The following SOX6 variants were observed in gnomAD, a reference collection of about 807,000 sequenced individuals.
SOX6 encodes transcription factor SOX-6.
SOX6 carries 11 observed loss-of-function variants against 97.8 expected under a neutral mutation model. That is an observed-to-expected ratio of 0.11 (90% CI 0.07 to 0.19). The LOEUF (loss-of-function observed/expected upper bound fraction) is 0.19. SOX6 is among the 10% of genes least tolerant of loss of function. SOX6 has a pLI of 1.00. For missense variants in SOX6, 810 were observed against 1,039.5 expected (o/e 0.78, Z 3.04); for synonymous variants, 360 against 371.4 (o/e 0.97, Z 0.35).
intron 3 of SOX6, among the ~76,000 whole-genome samples, chr11:16,259,614 A>T (rs565065041): frequency 8.5e-5 from 13 of 152,332 alleles, no homozygotes; most frequent in African/African-American, 3.1e-4. Flanking sequence ...ATCTGCTACA[A>T]CATTTAAACT....
intron 3 of SOX6, among the ~76,000 whole-genome samples, chr11:16,260,457 G>A (rs962160809): frequency 6.6e-6 from 1 of 152,086 alleles, no homozygotes; most frequent in Non-Finnish European, 1.5e-5. Flanking sequence ...GGCCTCTAGA[G>A]ACTACTTCAG....
At chr11:16,155,646 C>A (rs1850578680) in intron 6 of SOX6, among the ~76,000 whole-genome samples, 1 of 152,012 alleles carries the variant, frequency 6.6e-6, no homozygotes, top group Non-Finnish European at 1.5e-5. Flanking sequence ...GAATCATTAG[C>A]TATTATGTTA....
At chr11:16,681,703 A>G (rs1348414514) in intron 3 of SOX6, among the ~76,000 whole-genome samples, 1 of 152,202 alleles carries the variant, frequency 6.6e-6, no homozygotes, top group African/African-American at 2.4e-5. Context: ...AACAAAATAG[A>G]TAGACCACTA....
At chr11:16,194,750 C>T (rs935010664) in intron 4 of SOX6, among the ~76,000 whole-genome samples, 1 of 152,196 alleles carries the variant, frequency 6.6e-6, no homozygotes, top group Admixed American at 6.5e-5. Flanking sequence ...CTATTCATGT[C>T]GCAAATCCTA....
At chr11:16,636,314 G>T (rs1425601457) in intron 3 of SOX6, among the ~76,000 whole-genome samples, 1 of 152,198 alleles carries the variant, frequency 6.6e-6, no homozygotes, top group Non-Finnish European at 1.5e-5. Flanking sequence ...GGAGCTTTAA[G>T]ATTTGACTGT....
chr11:16,031,847 A>C (rs1855384326), intron 12 of SOX6, among the ~76,000 whole-genome samples: 2 of 152,150 alleles, frequency 1.3e-5, no homozygotes, highest in Non-Finnish European at 2.9e-5. Flanking sequence ...TCTCACACAT[A>C]CCAGGAGGCA....
intron 6 of SOX6, among the ~76,000 whole-genome samples, chr11:16,124,435 A>G (rs150294827): frequency 1.9e-3 from 290 of 152,236 alleles, no homozygotes; most frequent in African/African-American, 6.8e-3. Flanking sequence ...TAGATAGAGT[A>G]TGAAGAATGA....
At chr11:16,615,437 A>G (rs1848459969) in intron 3 of SOX6, among the ~76,000 whole-genome samples, 2 of 152,220 alleles carry the variant, frequency 1.3e-5, no homozygotes, top group African/African-American at 4.8e-5. Flanking sequence ...CAGGGTAGGA[A>G]TTAAACAAAT....
chr11:16,649,410 A>T (rs1429826999), intron 3 of SOX6, among the ~76,000 whole-genome samples: 1 of 152,214 alleles, frequency 6.6e-6, no homozygotes, highest in Non-Finnish European at 1.5e-5. Context: ...TATCAGATTA[A>T]CAGAAGACTT....
intron 4 of SOX6, among the ~76,000 whole-genome samples, chr11:16,212,406 G>T: frequency 6.6e-6 from 1 of 151,514 alleles, no homozygotes. Flanking sequence ...CATGTTTTCA[G>T]TTTATATAAA....
intron 3 of SOX6, among the ~76,000 whole-genome samples, chr11:16,243,410 C>T (rs1853249184): frequency 6.6e-6 from 1 of 151,772 alleles, no homozygotes; most frequent in Non-Finnish European, 1.5e-5. Flanking sequence ...TAATGCTTAA[C>T]CCAGAGCTCT....
intron 1 of SOX6, among the ~76,000 whole-genome samples, chr11:16,372,009 A>C (rs1857505509): frequency 6.6e-6 from 1 of 152,104 alleles, no homozygotes; most frequent in Non-Finnish European, 1.5e-5. Flanking sequence ...ATATTTGTTA[A>C]ATGACAGGTA....
At position 16,226,214 on chromosome 11, in the gene SOX6, C is replaced by T. The variant is rs139124972; in HGVS notation, c.535+8368G>A. The stretch of plus-strand genomic sequence containing the variant: ...CTAAAGAAGAGTATACCTACAAGAA[C>T]ATCTACCTTGATCCCTAAATGTAAA... On this transcript the variant is annotated intron_variant, in intron 4 of 15. Transcript: ENST00000683767. Among the ~76,000 whole-genome samples, 621 of 152,206 alleles carry T rather than the reference C, an allele frequency of 4.1e-3. 3 individuals carry two copies. Among genetic ancestry groups the T allele is most frequent in the African/African-American group, 0.014 (566 of 41,528 alleles).
At chr11:16,146,315 C>T (rs1372459569) in intron 6 of SOX6, among the ~76,000 whole-genome samples, 3 of 152,198 alleles carry the variant, frequency 2.0e-5, no homozygotes, top group East Asian at 1.9e-4. Flanking sequence ...AAAGCTGAAA[C>T]TGGATCCCTT....
At chr11:16,068,415 G>A (rs772677529) in intron 9 of SOX6, among the ~76,000 whole-genome samples, 1 of 152,152 alleles carries the variant, frequency 6.6e-6, no homozygotes, top group Non-Finnish European at 1.5e-5. Context: ...TAGGGAGAGA[G>A]CTTCAAATAA....
Position 16,220,650 on chromosome 11 carries a change from T to C in SOX6, c.535+13932A>G, listed in dbSNP as rs536659447. On this transcript the variant is annotated intron_variant, in intron 4 of 15. Coordinates refer to ENST00000683767, the MANE Select transcript of SOX6 (RefSeq NM_001367873.1). ...TCCCTATTGGTGGCACATATCCAAA[T>C]TCTCTTGTTCCTATTCCTACTGGAA... Among the ~76,000 whole-genome samples, 8 of 152,174 alleles carry C rather than the reference T, an allele frequency of 5.3e-5. No homozygotes were observed. In the South Asian group the frequency reaches 1.7e-3, roughly 32 times the overall value.
At chr11:16,132,427 A>AAG (rs1474532715) in intron 6 of SOX6, among the ~76,000 whole-genome samples, 1 of 113,532 alleles carries the variant, frequency 8.8e-6, no homozygotes, top group Non-Finnish European at 1.7e-5. Context: ...GAAAGAAAGA[A>AAG]AGAAAGAAAG....
intron 7 of SOX6, among the ~76,000 whole-genome samples, chr11:16,102,955 C>T (rs892906884): frequency 1.3e-4 from 19 of 151,932 alleles, no homozygotes; most frequent in African/African-American, 4.6e-4. Flanking sequence ...CCCTTCTAGA[C>T]ATTGGCTTAG....
chr11:16,499,694 A>C (rs1333034193), intron 4 of SOX6, among the ~76,000 whole-genome samples: 3 of 152,254 alleles, frequency 2.0e-5, no homozygotes, highest in Non-Finnish European at 4.4e-5. Context: ...CTATGCAAAT[A>C]AACTAGAAAA....
Sources: gnomAD v4.1 joint callset for allele counts (sites outside exome capture counted in the v4.1 genomes callset) on GRCh38, gnomAD v4.1.1 for gene constraint, MANE v1.5 for transcripts, NCBI Gene and HGNC (gene_info 2026-07-23, HGNC 2026-07-21) for gene names.